Variants in CNIH3 observed in about 807,000 individuals in gnomAD.
The protein encoded by CNIH3 is cornichon family AMPA receptor auxiliary protein 3.
In CNIH3, 14 loss-of-function variants were observed where a neutral mutation model predicts 24.1. The observed-to-expected ratio is 0.58, with a 90% confidence interval of 0.38 to 0.91. The LOEUF (loss-of-function observed/expected upper bound fraction) is 0.91, where lower values mean the gene tolerates loss of function less well. CNIH3 is among the 40% of genes least tolerant of loss of function. The probability of loss-of-function intolerance (pLI) is 0.00; values close to 1 mark genes in which losing one functional copy is unlikely to be tolerated. For synonymous variants in CNIH3, 68 were observed against 73.8 expected (o/e 0.92, Z 0.40); for missense variants, 178 against 196.8 (o/e 0.90, Z 0.57).
At chr1:224,686,427 T>G (rs1368917875) in intron 3 of CNIH3, among the ~76,000 whole-genome samples, 1 of 152,214 alleles carries the variant, frequency 6.6e-6, no homozygotes, top group Non-Finnish European at 1.5e-5. Context: ...TTGGGTTGGT[T>G]CCAAGTCTTT....
chr1:224,519,211 C>T (rs1327232764), intron 1 of CNIH3, among the ~76,000 whole-genome samples: 1 of 152,232 alleles, frequency 6.6e-6, no homozygotes, highest in Non-Finnish European at 1.5e-5. Context: ...AATTGACTCA[C>T]AGCACCGCAT....
At chr1:224,447,472 C>A (rs966663138) in intron 1 of CNIH3, among the ~76,000 whole-genome samples, 3 of 152,202 alleles carry the variant, frequency 2.0e-5, no homozygotes, top group Admixed American at 1.3e-4. Context: ...CTTCCCCACT[C>A]AGTCCACTGA....
chr1:224,664,968 G>A (rs1685528015), intron 1 of CNIH3: 2 of 151,920 alleles, frequency 1.3e-5, no homozygotes. Flanking sequence ...TGTGGTCTTG[G>A]TATCTCTCTC....
intron 3 of CNIH3, among the ~76,000 whole-genome samples, chr1:224,557,988 T>C (rs192513893): frequency 6.6e-6 from 1 of 152,212 alleles, no homozygotes; most frequent in South Asian, 2.1e-4. Flanking sequence ...GTCTCACCAC[T>C]AAGAGGAAGA....
In CNIH3 at chr1:224,664,950, G is replaced by A. The variant is rs561371014; in HGVS notation, c.82-16008G>A. 4 of 152,136 alleles carry A rather than the reference G, an allele frequency of 2.6e-5. No individual in the cohort carries two copies. In the East Asian group the frequency reaches 5.8e-4, roughly 22 times the overall value. The allele number at this position is 152,136 out of a possible 1,614,324, so 9.4% of individuals were successfully genotyped here. ...TTCAAGCCAATGAATTTGGCTCTTC[G>A]GGGGCCTTGTGGTCTTGGTATCTCT... On this transcript the variant is annotated intron_variant, in intron 1 of 5. Coordinates refer to ENST00000272133, the MANE Select transcript of CNIH3 (RefSeq NM_152495.2).
In CNIH3 at chr1:224,446,208, CTTTGT is replaced by C. The variant is rs1675156453; in HGVS notation, n.203+11350_203+11354del. On this transcript the variant is annotated intron_variant and non_coding_transcript_variant, in intron 1 of 5. Coordinates refer to the CNIH3 transcript ENST00000471578. ...CCATTTGGTAGTATAATTATTTCAACTTTGTTTTTTTTTTTTTTTTTTGTCAGTAT... is the reference window on the plus strand; with the variant it reads ...CCATTTGGTAGTATAATTATTTCAACTTTTTTTTTTTTTTTTTGTCAGTAT... Among the ~76,000 whole-genome samples, 5 of 104,620 alleles carry C rather than the reference CTTTGT, an allele frequency of 4.8e-5. No homozygotes were observed. In the South Asian group the frequency reaches 1.7e-3, roughly 36 times the overall value. 68.6% of individuals were successfully genotyped at this position (104,620 alleles called of 152,430 possible). A position where few individuals can be genotyped will look rare whatever the true frequency, so the allele number is the denominator to read the frequency against.
intron 3 of CNIH3, among the ~76,000 whole-genome samples, chr1:224,555,047 A>G (rs1447868192): frequency 6.6e-6 from 1 of 152,124 alleles, no homozygotes; most frequent in Non-Finnish European, 1.5e-5. Flanking sequence ...TGTTGGGGGT[A>G]GTAGGGGAGG....
rs568652578 is a variant in CNIH3, at chr1:224,721,635, A to C, written c.199-8827A>C. On this transcript the variant is annotated intron_variant, in intron 3 of 5. Coordinates refer to ENST00000272133, the MANE Select transcript of CNIH3 (RefSeq NM_152495.2). ...GTCTTGATGCTGTATGAAAACAATT[A>C]TAAAAGGAAGGCTGGGAGGAGTGGG... Among the ~76,000 whole-genome samples the C allele has an allele frequency of 1.2e-4, 19 of 152,344 alleles. No homozygotes were observed. The South Asian group carries it at 3.7e-3, about 30-fold the overall frequency.
At chr1:224,437,136 G>C (rs766864932) in intron 1 of CNIH3, 1 of 152,146 alleles carries the variant, frequency 6.6e-6, no homozygotes, top group Non-Finnish European at 1.5e-5. Context: ...CAGAGAGAAG[G>C]CTTTCTAGAC....
At chr1:224,560,725 C>A (rs1457581043) in intron 3 of CNIH3, among the ~76,000 whole-genome samples, 1 of 151,882 alleles carries the variant, frequency 6.6e-6, no homozygotes, top group East Asian at 1.9e-4. Context: ...GCTCAGGGCT[C>A]CCACGGATTC....
At chr1:224,531,123 T>C (rs1177357594) in intron 2 of CNIH3, among the ~76,000 whole-genome samples, 1 of 152,194 alleles carries the variant, frequency 6.6e-6, no homozygotes, top group African/African-American at 2.4e-5. Context: ...GATTCAGGAA[T>C]GTGAGAGTGG....
At chr1:224,663,395 T>A (rs1685452661) in intron 1 of CNIH3, among the ~76,000 whole-genome samples, 1 of 152,200 alleles carries the variant, frequency 6.6e-6, no homozygotes, top group African/African-American at 2.4e-5. Flanking sequence ...ACAATCCAAC[T>A]GCAGCAGTAG....
intron 1 of CNIH3, among the ~76,000 whole-genome samples, chr1:224,668,820 G>A (rs1685724956): frequency 6.6e-6 from 1 of 152,070 alleles, no homozygotes; most frequent in African/African-American, 2.4e-5. Context: ...ACCTGGGGCT[G>A]GGGGTGATTA....
At chr1:224,682,473 A>G (rs1489475256) in intron 2 of CNIH3, among the ~76,000 whole-genome samples, 2 of 152,218 alleles carry the variant, frequency 1.3e-5, no homozygotes, top group African/African-American at 2.4e-5. Context: ...ATTCCATGAA[A>G]TAGAGACGAA....
intron 1 of CNIH3, among the ~76,000 whole-genome samples, chr1:224,674,527 C>G (rs879863044): frequency 2.6e-5 from 4 of 151,914 alleles, no homozygotes; most frequent in Non-Finnish European, 5.9e-5. Flanking sequence ...TAGGGCAGGC[C>G]CCAGCAGGAC....
intron 3 of CNIH3, among the ~76,000 whole-genome samples, chr1:224,725,631 A>G (rs950632990): frequency 6.6e-6 from 1 of 152,162 alleles, no homozygotes; most frequent in African/African-American, 2.4e-5. Flanking sequence ...GTTTGGTCCC[A>G]GGCATGCTGA....
chr1:224,617,347 C>A, intron 1 of CNIH3, 92 bp downstream of exon 1: 1 of 1,399,522 alleles, frequency 7.1e-7, no homozygotes, highest in Non-Finnish European at 9.9e-7. Flanking sequence ...CGGGCGTGGG[C>A]GAACCGGAAG....
chr1:224,588,106 G>A (rs1572532670), intron 5 of CNIH3, among the ~76,000 whole-genome samples: 1 of 152,006 alleles, frequency 6.6e-6, no homozygotes, highest in Admixed American at 6.6e-5. Flanking sequence ...ATTCTATTGT[G>A]TTTCCCACCC....
intron 4 of CNIH3, among the ~76,000 whole-genome samples, chr1:224,567,297 A>G (rs1680621422): frequency 6.6e-6 from 1 of 152,046 alleles, no homozygotes; most frequent in African/African-American, 2.4e-5. Flanking sequence ...GATTGCAAAA[A>G]TTTTCTCCCA....
Sources: allele counts gnomAD v4.1 joint callset (sites outside exome capture counted in the v4.1 genomes callset), GRCh38; gene constraint gnomAD v4.1.1; transcripts MANE v1.5; gene names NCBI Gene and HGNC (gene_info 2026-07-23, HGNC 2026-07-21).